Variants in CADM2 observed in about 807,000 individuals in gnomAD.
CADM2 encodes immunoglobulin superfamily member 4D.
In CADM2, 12 loss-of-function variants were observed where a neutral mutation model predicts 49.8. The ratio of observed to expected loss-of-function variants is 0.24; its 90% CI spans 0.15 to 0.39. The LOEUF is 0.39. Among genes scored for constraint, CADM2 ranks in the 10% least tolerant of loss-of-function variants. CADM2 has a pLI of 1.00. For synonymous variants in CADM2, 214 were observed against 175.4 expected (o/e 1.22, Z -1.74); for missense variants, 378 against 492.3 (o/e 0.77, Z 2.20).
At chr3:86,060,480 A>G (rs567880441) in intron 8 of CADM2, among the ~76,000 whole-genome samples, 77 of 152,284 alleles carry the variant, frequency 5.1e-4, no homozygotes, top group Non-Finnish European at 8.1e-4. Context: ...GCATCAGAAC[A>G]GAGAGTCTTT....
chr3:85,493,588 T>G (rs80181349), intron 1 of CADM2, among the ~76,000 whole-genome samples: 7,545 of 152,228 alleles, frequency 0.05, 634 homozygotes, highest in African/African-American at 0.17. Context: ...TAATTATACT[T>G]CCTATTTTTA....
chr3:85,740,488 T>C (rs555851849), intron 2 of CADM2, among the ~76,000 whole-genome samples: 2 of 152,312 alleles, frequency 1.3e-5, no homozygotes, highest in Admixed American at 6.5e-5. Context: ...TGGAAGGCCT[T>C]AATTTTTGCT....
chr3:85,178,348 T>C (rs1300436612), intron 1 of CADM2, among the ~76,000 whole-genome samples: 1 of 149,508 alleles, frequency 6.7e-6, no homozygotes, highest in Non-Finnish European at 1.5e-5. Flanking sequence ...ACTTAAACAT[T>C]GATATATAAA....
At chr3:85,134,547 C>G (rs1043126882) in intron 1 of CADM2, among the ~76,000 whole-genome samples, 1 of 152,194 alleles carries the variant, frequency 6.6e-6, no homozygotes, top group Non-Finnish European at 1.5e-5. Context: ...GTAATTTTAG[C>G]AGAGTTGGTT....
chr3:85,770,091 A>G (rs181344501), intron 2 of CADM2, among the ~76,000 whole-genome samples: 19 of 152,202 alleles, frequency 1.2e-4, no homozygotes, highest in Non-Finnish European at 2.5e-4. Context: ...AGACAACTCT[A>G]CGGGTAACTA....
intron 1 of CADM2, among the ~76,000 whole-genome samples, chr3:85,366,082 GT>G (rs2032761689): frequency 6.6e-6 from 1 of 152,164 alleles, no homozygotes; most frequent in African/African-American, 2.4e-5. Context: ...TAATGATTTA[GT>G]TTGCTGCTTT....
At chr3:85,982,773 A>G (rs1275100687) in intron 8 of CADM2, among the ~76,000 whole-genome samples, 1 of 151,654 alleles carries the variant, frequency 6.6e-6, no homozygotes, top group Admixed American at 6.6e-5. Flanking sequence ...TAAGTTTGTG[A>G]AAGATGGTTC....
At chr3:85,938,425 C>A (rs1161521769) in intron 7 of CADM2, among the ~76,000 whole-genome samples, 1 of 151,790 alleles carries the variant, frequency 6.6e-6, no homozygotes, top group Non-Finnish European at 1.5e-5. Context: ...GAAAGACTAT[C>A]AACTTCAAAA....
At chr3:85,356,723 A>G (rs73845440) in intron 1 of CADM2, among the ~76,000 whole-genome samples, 1,782 of 152,246 alleles carry the variant, frequency 0.012, 27 homozygotes, top group African/African-American at 0.041. Context: ...TGTCCTGTTC[A>G]TTTTCCATTT....
Position 85,105,145 on chromosome 3 carries a change from A to G in CADM2, c.61+145477A>G, listed in dbSNP as rs113562388. On this transcript the variant is annotated intron_variant, in intron 1 of 9. Coordinates refer to ENST00000383699, the MANE Select transcript of CADM2 (RefSeq NM_001167675.2). ...GGTGAGAAAGGGCATCCCTGTCATC[A>G]GAGGGAACAGGCAACCTACAAAATG... 3.8e-3 allele frequency among the ~76,000 whole-genome samples: 581 copies of G among 152,160 alleles called. 3 individuals are homozygous for G. Among genetic ancestry groups the G allele is most frequent in the African/African-American group, 0.012 (517 of 41,550 alleles).
intron 1 of CADM2, among the ~76,000 whole-genome samples, chr3:85,522,605 GT>G (rs1215875231): frequency 6.6e-6 from 1 of 151,966 alleles, no homozygotes; most frequent in Admixed American, 6.6e-5. Flanking sequence ...AGAGAAACAG[GT>G]TCATAGAACA....
At position 85,984,090 on chromosome 3, in the gene CADM2, T is replaced by C. The variant is rs1353841762; in HGVS notation, c.970+22443T>C. On this transcript the variant is annotated intron_variant, in intron 8 of 9. Coordinates refer to ENST00000383699, the MANE Select transcript of CADM2 (RefSeq NM_001167675.2). ...ATACAATGCTCTGTATTATGTTATATATGATATATGCTTTATATTACATAT... is the reference window on the plus strand; with the variant it reads ...ATACAATGCTCTGTATTATGTTATACATGATATATGCTTTATATTACATAT... Among the ~76,000 whole-genome samples the C allele has an allele frequency of 1.7e-4, 26 of 149,830 alleles. 1 individual carries two copies. Among genetic ancestry groups the C allele is most frequent in the Non-Finnish European group, 3.9e-4 (26 of 67,336 alleles).
At chr3:85,000,827 G>A (rs777950177) in intron 1 of CADM2, among the ~76,000 whole-genome samples, 3 of 151,834 alleles carry the variant, frequency 2.0e-5, no homozygotes, top group Non-Finnish European at 4.4e-5. Context: ...GCCTATGTAT[G>A]TACATTTGTA....
chr3:85,998,202 CA>C (rs1282488133), intron 8 of CADM2, among the ~76,000 whole-genome samples: 18 of 151,986 alleles, frequency 1.2e-4, no homozygotes, highest in African/African-American at 4.1e-4. Context: ...TTGGATATAG[CA>C]TATGTATTTT....
At chr3:86,014,382 G>T in intron 8 of CADM2, 1 of 1,467,930 alleles carries the variant, frequency 6.8e-7, no homozygotes, top group Non-Finnish European at 9.1e-7. Context: ...TAGCTTGACT[G>T]TAGTACTGCA....
intron 8 of CADM2, among the ~76,000 whole-genome samples, chr3:86,037,955 T>C (rs2107207772): frequency 6.6e-6 from 1 of 152,228 alleles, no homozygotes; most frequent in Non-Finnish European, 1.5e-5. Context: ...CTGCATACAT[T>C]AGGTATTTGT....
chr3:86,058,442 A>G (rs1346066232), intron 8 of CADM2, among the ~76,000 whole-genome samples: 6 of 152,320 alleles, frequency 3.9e-5, no homozygotes, highest in African/African-American at 1.4e-4. Context: ...AATGCTGGGA[A>G]ATAAGTATTC....
chr3:85,784,533 TC>T (rs2070856577), intron 2 of CADM2, among the ~76,000 whole-genome samples: 1 of 21,816 alleles, frequency 4.6e-5, no homozygotes, highest in African/African-American at 5.3e-4. Flanking sequence ...AATATATTTA[TC>T]TATCTATCTA....
chr3:85,038,092 G>T (rs1455590214), intron 1 of CADM2, among the ~76,000 whole-genome samples: 1 of 152,080 alleles, frequency 6.6e-6, no homozygotes, highest in Non-Finnish European at 1.5e-5. Flanking sequence ...TCTTTTCTTA[G>T]TACTTAGTTA....
Sources: allele counts gnomAD v4.1 joint callset (sites outside exome capture counted in the v4.1 genomes callset), GRCh38; gene constraint gnomAD v4.1.1; transcripts MANE v1.5; gene names NCBI Gene and HGNC (gene_info 2026-07-23, HGNC 2026-07-21).